The following MAPKAP1 variants were observed in gnomAD, a reference collection of about 807,000 sequenced individuals.
MAPKAP1 encodes the protein MAPK associated protein 1.
In MAPKAP1, 20 loss-of-function variants were observed where a neutral mutation model predicts 65.7. The ratio of observed to expected loss-of-function variants is 0.30; its 90% CI spans 0.21 to 0.44. MAPKAP1 has a LOEUF of 0.44. MAPKAP1 is among the 20% of genes least tolerant of loss of function. The probability of loss-of-function intolerance (pLI) is 1.00; values close to 1 mark genes in which losing one functional copy is unlikely to be tolerated. For synonymous variants in MAPKAP1, 222 were observed against 244.3 expected, an observed-to-expected ratio of 0.91 and a Z score of 0.85; for missense variants, 423 against 648.0, an observed-to-expected ratio of 0.65 and a Z score of 3.77.
chr9:125,614,256 T>C (rs1329369168), intron 4 of MAPKAP1, among the ~76,000 whole-genome samples: 1 of 152,240 alleles, frequency 6.6e-6, no homozygotes, highest in Non-Finnish European at 1.5e-5. Context: ...AAAACTAGAA[T>C]ATTTGATGAC....
chr9:125,571,474 G>T (rs573431537), intron 5 of MAPKAP1, among the ~76,000 whole-genome samples: 1 of 152,166 alleles, frequency 6.6e-6, no homozygotes, highest in African/African-American at 2.4e-5. Flanking sequence ...TGAAGAGCTG[G>T]AATGTTCATG....
chr9:125,700,195 A>G (rs2131878685), intron 1 of MAPKAP1, among the ~76,000 whole-genome samples: 1 of 152,342 alleles, frequency 6.6e-6, no homozygotes, highest in South Asian at 2.1e-4. Flanking sequence ...GTCAGTAACT[A>G]AGGTTCAGAT....
chr9:125,481,521 C>G (rs2133029468), intron 9 of MAPKAP1, among the ~76,000 whole-genome samples: 1 of 152,078 alleles, frequency 6.6e-6, no homozygotes, highest in African/African-American at 2.4e-5. Context: ...CTCCCAGACT[C>G]AAGCGATCCT....
chr9:125,611,383 C>T (rs1832595744), intron 4 of MAPKAP1, among the ~76,000 whole-genome samples: 1 of 151,974 alleles, frequency 6.6e-6, no homozygotes, highest in African/African-American at 2.4e-5. Context: ...TAGAATGCAA[C>T]CCAAAGAGAC....
At chr9:125,471,004 G>C (rs766577137) in intron 9 of MAPKAP1, 15 of 152,188 alleles carry the variant, frequency 9.9e-5, no homozygotes, top group Admixed American at 7.9e-4. Flanking sequence ...TGCCTGCCTA[G>C]AGGAGTCACT....
intron 7 of MAPKAP1, among the ~76,000 whole-genome samples, chr9:125,525,822 G>C (rs1322554742): frequency 6.6e-6 from 1 of 152,154 alleles, no homozygotes; most frequent in African/African-American, 2.4e-5. Flanking sequence ...CTATGATCTG[G>C]TTGGGACCTT....
intron 1 of MAPKAP1, among the ~76,000 whole-genome samples, chr9:125,698,288 A>AATATATAT (rs57303829): frequency 1.2e-3 from 57 of 48,960 alleles, no homozygotes; most frequent in Admixed American, 1.6e-3. Flanking sequence ...AATATATATA[A>AATATATAT]ATATATATAT....
intron 9 of MAPKAP1, chr9:125,471,176 G>C (rs971170062): frequency 3.9e-5 from 6 of 152,402 alleles, no homozygotes; most frequent in Non-Finnish European, 5.9e-5. Context: ...TCAGCACTCG[G>C]CCTGAGGCAG....
At position 125,595,583 on chromosome 9, in the gene MAPKAP1, A is replaced by T; in HGVS notation, c.499-9856T>A. ...AGTTCAAAATAATCTTGAATTAAGA[A>T]ATATCATGCTATGTTTGTCAGCTTA... On this transcript the variant is annotated intron_variant, in intron 4 of 11. Transcript: ENST00000265960. The surrounding 1 kb of genome is among the most constrained non-coding windows in gnomAD (Gnocchi z 4.0). 2 of 1,268,186 alleles carry T rather than the reference A, an allele frequency of 1.6e-6. No individual in the cohort carries two copies. The allele number at this position is 1,268,186 out of a possible 1,614,324, so 78.6% of individuals were successfully genotyped here. A position where few individuals can be genotyped will look rare whatever the true frequency, so the allele number is the denominator to read the frequency against.
intron 8 of MAPKAP1, among the ~76,000 whole-genome samples, chr9:125,499,970 G>A (rs535068188): frequency 6.6e-6 from 1 of 152,170 alleles, no homozygotes; most frequent in South Asian, 2.1e-4. Context: ...CTGGGTGACA[G>A]AATGAGACTC....
At chr9:125,674,365 CATAAA>C (rs751914737) in intron 1 of MAPKAP1, among the ~76,000 whole-genome samples, 4 of 152,312 alleles carry the variant, frequency 2.6e-5, no homozygotes, top group Non-Finnish European at 4.4e-5. Flanking sequence ...GTTCGTGGCA[CATAAA>C]ATAAGTCTGT....
intron 1 of MAPKAP1, among the ~76,000 whole-genome samples, chr9:125,675,883 C>G (rs1403462921): frequency 6.6e-6 from 1 of 152,158 alleles, no homozygotes; most frequent in Non-Finnish European, 1.5e-5. Context: ...ACAAGAGCAT[C>G]TCTTCAACGT....
At chr9:125,512,010 AG>A (rs1378088216) in intron 7 of MAPKAP1, among the ~76,000 whole-genome samples, 1 of 152,258 alleles carries the variant, frequency 6.6e-6, no homozygotes, top group Non-Finnish European at 1.5e-5. Flanking sequence ...ATACCCAGGC[AG>A]GATTTTTATG....
intron 6 of MAPKAP1, among the ~76,000 whole-genome samples, chr9:125,553,906 G>A (rs1366853625): frequency 1.3e-5 from 2 of 151,778 alleles, no homozygotes; most frequent in Non-Finnish European, 2.9e-5. Context: ...GCATGGTGGT[G>A]CATGCCTGTA....
At chr9:125,641,990 C>A (rs370248798) in intron 4 of MAPKAP1, among the ~76,000 whole-genome samples, 179 of 152,224 alleles carry the variant, frequency 1.2e-3, no homozygotes, top group Middle Eastern at 6.8e-3. Flanking sequence ...CAAGATCATG[C>A]CACTGCACTC....
chr9:125,488,031 CT>C (rs1369673123), intron 8 of MAPKAP1, among the ~76,000 whole-genome samples: 2 of 152,196 alleles, frequency 1.3e-5, no homozygotes, highest in Non-Finnish European at 2.9e-5. Context: ...ACCAGCAAGG[CT>C]TGTCAATATC....
At chr9:125,695,496 T>C (rs982221643) in intron 1 of MAPKAP1, among the ~76,000 whole-genome samples, 1 of 152,216 alleles carries the variant, frequency 6.6e-6, no homozygotes, top group Non-Finnish European at 1.5e-5. Flanking sequence ...TCATTTTTCA[T>C]TCTGATAATA....
At chr9:125,668,732 C>A (rs550711078) in intron 3 of MAPKAP1, among the ~76,000 whole-genome samples, 2 of 152,274 alleles carry the variant, frequency 1.3e-5, no homozygotes, top group South Asian at 4.1e-4. Flanking sequence ...TGAAAATATA[C>A]AGCAAATGCT....
chr9:125,507,811 A>G (rs772496764), intron 7 of MAPKAP1, among the ~76,000 whole-genome samples: 4 of 152,224 alleles, frequency 2.6e-5, no homozygotes, highest in Non-Finnish European at 5.9e-5. Context: ...CTATATTTAT[A>G]TCAAAAAGGT....
Sources: gnomAD v4.1 joint callset for allele counts (sites outside exome capture counted in the v4.1 genomes callset) on GRCh38, gnomAD v4.1.1 for gene constraint, Gnocchi (gnomAD v3.1) non-coding constraint, MANE v1.5 for transcripts, NCBI Gene and HGNC (gene_info 2026-07-23, HGNC 2026-07-21) for gene names.